Variants in AKT3 observed in about 807,000 individuals in gnomAD.
The protein encoded by AKT3 is AKT serine/threonine kinase 3.
A neutral mutation model predicts 65.3 loss-of-function variants in AKT3; 15 were observed. That is an observed-to-expected ratio of 0.23 (90% confidence interval 0.15 to 0.35). The LOEUF (loss-of-function observed/expected upper bound fraction) is 0.35, where lower values mean the gene tolerates loss of function less well. Among genes scored for constraint, AKT3 ranks in the 10% least tolerant of loss-of-function variants. The pLI is 1.00. For missense variants in AKT3, 243 were observed against 576.5 expected (o/e 0.42, Z 5.92); for synonymous variants, 206 against 183.8 (o/e 1.12, Z -0.98).
At chr1:243,672,161 T>G (rs961832863) in intron 3 of AKT3, among the ~76,000 whole-genome samples, 1 of 152,196 alleles carries the variant, frequency 6.6e-6, no homozygotes, top group Admixed American at 6.5e-5. Context: ...GGTTATCCCC[T>G]AGCAGGATGC....
At chr1:243,613,216 G>A (rs539250534) in intron 8 of AKT3, among the ~76,000 whole-genome samples, 8 of 148,030 alleles carry the variant, frequency 5.4e-5, no homozygotes, top group South Asian at 2.1e-4. Context: ...TATATATATA[G>A]TCATAGTACT....
chr1:243,761,361 G>A (rs1004962851), intron 2 of AKT3, among the ~76,000 whole-genome samples: 1 of 152,036 alleles, frequency 6.6e-6, no homozygotes. Context: ...TTTAGACAGA[G>A]GAATGCTTAT....
chr1:243,636,250 T>C (rs1353883703), intron 6 of AKT3, among the ~76,000 whole-genome samples: 1 of 152,094 alleles, frequency 6.6e-6, no homozygotes, highest in Admixed American at 6.5e-5. Context: ...TTAATTTCAT[T>C]TGATTTGTAA....
intron 9 of AKT3, among the ~76,000 whole-genome samples, chr1:243,564,632 C>G (rs954275737): frequency 1.3e-5 from 2 of 152,040 alleles, no homozygotes; most frequent in Admixed American, 1.3e-4. Context: ...CCAGCCAGTT[C>G]CCCTCGAGCT....
At chr1:243,532,350 TTC>T (rs1574551781) in intron 12 of AKT3, among the ~76,000 whole-genome samples, 1 of 152,174 alleles carries the variant, frequency 6.6e-6, no homozygotes, top group African/African-American at 2.4e-5. Flanking sequence ...TAGCTTTTTT[TTC>T]TTTTTACTGT....
At chr1:243,797,287 T>C (rs561527428) in intron 2 of AKT3, among the ~76,000 whole-genome samples, 1 of 152,100 alleles carries the variant, frequency 6.6e-6, no homozygotes, top group Non-Finnish European at 1.5e-5. Flanking sequence ...CTGGCACATA[T>C]CATGGTATAC....
intron 2 of AKT3, among the ~76,000 whole-genome samples, chr1:243,717,888 T>C (rs1197676687): frequency 3.9e-5 from 6 of 152,360 alleles, no homozygotes; most frequent in Middle Eastern, 3.4e-3. Flanking sequence ...ACATTGTACA[T>C]TATACTTGTA....
intron 3 of AKT3, among the ~76,000 whole-genome samples, chr1:243,688,039 G>T: frequency 6.6e-6 from 1 of 151,706 alleles, no homozygotes; most frequent in African/African-American, 2.4e-5. Context: ...CTAAGGTGAT[G>T]GATTTATCAA....
intron 2 of AKT3, among the ~76,000 whole-genome samples, chr1:243,798,944 A>C (rs1322789252): frequency 1.3e-5 from 2 of 152,144 alleles, no homozygotes; most frequent in Non-Finnish European, 2.9e-5. Flanking sequence ...AATTCTGTTC[A>C]TCGCTAAAGT....
chr1:243,582,767 T>C (rs1222865912), intron 8 of AKT3, among the ~76,000 whole-genome samples: 1 of 152,068 alleles, frequency 6.6e-6, no homozygotes, highest in Non-Finnish European at 1.5e-5. Flanking sequence ...CAGTATTAGC[T>C]TTGAATGTAA....
chr1:243,587,585 C>T (rs1309129173), intron 8 of AKT3, among the ~76,000 whole-genome samples: 1 of 152,050 alleles, frequency 6.6e-6, no homozygotes, highest in Non-Finnish European at 1.5e-5. Context: ...CACTCCAGCC[C>T]AGGTGACAGG....
intron 12 of AKT3, among the ~76,000 whole-genome samples, chr1:243,543,381 T>C (rs534911023): frequency 6.6e-6 from 1 of 152,314 alleles, no homozygotes; most frequent in Admixed American, 6.5e-5. Context: ...GGTCCATATT[T>C]TGGCCCTTCC....
At chr1:243,823,903 A>C (rs1694002520) in intron 2 of AKT3, among the ~76,000 whole-genome samples, 1 of 152,204 alleles carries the variant, frequency 6.6e-6, no homozygotes, top group South Asian at 2.1e-4. Flanking sequence ...ATAAGAAAAA[A>C]CTACTTTAAA....
chr1:243,635,991 T>C (rs2147806456), intron 6 of AKT3, among the ~76,000 whole-genome samples: 1 of 152,162 alleles, frequency 6.6e-6, no homozygotes, highest in African/African-American at 2.4e-5. Context: ...ATTTGTGAAA[T>C]ATACGTAGTT....
rs1432413399 is a variant in AKT3 at position 243,850,149 on chromosome 1, T to C, written c.-222A>G. The C allele has an allele frequency of 1.3e-5, 2 of 152,122 alleles. No homozygotes were observed. The highest frequency in any genetic ancestry group is 5.4e-5 in the African/African-American group (2 of 36,866). The allele number at this position is 152,122 out of a possible 1,614,324, so 9.4% of individuals were successfully genotyped here. On this transcript the variant is annotated 5_prime_UTR_variant, in exon 1 of 14. Transcript: ENST00000673466. ...GAGGGGGCGACTCGGGGGTCCCCCC[T>C]CCCTCCTCCTCCCCTCCTGTCCTCC...
intron 2 of AKT3, among the ~76,000 whole-genome samples, chr1:243,746,715 G>T (rs1688490141): frequency 6.6e-6 from 1 of 152,174 alleles, no homozygotes; most frequent in Admixed American, 6.5e-5. Context: ...TGTTTTTAAA[G>T]AAATTAGTTT....
intron 4 of AKT3, among the ~76,000 whole-genome samples, chr1:243,646,560 G>A (rs1441553763): frequency 1.3e-5 from 2 of 151,916 alleles, no homozygotes; most frequent in Admixed American, 1.3e-4. Flanking sequence ...TCACCATGTT[G>A]GCCAGGCTGG....
At chr1:243,741,410 C>CT (rs1688147394) in intron 2 of AKT3, among the ~76,000 whole-genome samples, 3 of 151,970 alleles carry the variant, frequency 2.0e-5, no homozygotes, top group South Asian at 2.1e-4. Flanking sequence ...AAAAATAGAA[C>CT]TTTTTTACAG....
chr1:243,646,380 G>A lies in AKT3; in HGVS notation c.285-343C>T, dbSNP rs190595471. ...ATCCTACTTTTTTTTTTTTGGAAAC[G>A]GTCTCACTCTGTTGCCCAAGCTGGA... On this transcript the variant is annotated intron_variant, in intron 4 of 13. Transcript: ENST00000673466. Among the ~76,000 whole-genome samples the A allele has an allele frequency of 1.0e-3, 150 of 149,246 alleles. 1 individual carries two copies. Among genetic ancestry groups the A allele is most frequent in the Non-Finnish European group, 1.5e-4 (10 of 67,402 alleles).
Sources: allele counts gnomAD v4.1 joint callset (sites outside exome capture counted in the v4.1 genomes callset), GRCh38; gene constraint gnomAD v4.1.1; transcripts MANE v1.5; gene names NCBI Gene and HGNC (gene_info 2026-07-23, HGNC 2026-07-21).